The following COL24A1 variants were observed in gnomAD, a reference collection of about 807,000 sequenced individuals.
COL24A1 encodes collagen alpha-1(XXIV) chain.
A neutral mutation model predicts 253.9 loss-of-function variants in COL24A1; 224 were observed. The ratio of observed to expected loss-of-function variants is 0.88; its 90% confidence interval spans 0.79 to 0.99. COL24A1 has a LOEUF of 0.99. Ranked by LOEUF, COL24A1 falls within the 50% of genes least tolerant of loss-of-function variation. The probability of loss-of-function intolerance (pLI) is 0.00; values close to 1 mark genes in which losing one functional copy is unlikely to be tolerated. For missense variants in COL24A1, 2,131 were observed against 2,068.5 expected (o/e 1.03, Z -0.59); for synonymous variants, 685 against 673.7 (o/e 1.02, Z -0.26).
chr1:85,980,735 C>T (rs774900205), intron 20 of COL24A1, among the ~76,000 whole-genome samples: 9 of 152,018 alleles, frequency 5.9e-5, no homozygotes, highest in Non-Finnish European at 1.2e-4. Flanking sequence ...GGTGAAACCC[C>T]GTCTCTACTA....
chr1:85,993,023 A>G (rs1558929920), intron 19 of COL24A1, among the ~76,000 whole-genome samples: 1 of 152,166 alleles, frequency 6.6e-6, no homozygotes, highest in African/African-American at 2.4e-5. Flanking sequence ...TCCAGTAAAA[A>G]CAAAGTTTTA....
intron 5 of COL24A1, among the ~76,000 whole-genome samples, chr1:86,110,493 T>C (rs1705439370): frequency 6.6e-6 from 1 of 151,886 alleles, no homozygotes; most frequent in Non-Finnish European, 1.5e-5. Flanking sequence ...CCCTGCACTG[T>C]GGAAGGCCCT....
chr1:86,054,526 C>A (rs574835345), intron 10 of COL24A1, among the ~76,000 whole-genome samples: 2 of 152,062 alleles, frequency 1.3e-5, no homozygotes, highest in Admixed American at 6.6e-5. Context: ...ATATAAGCGG[C>A]CCCAAAACAT....
chr1:86,023,018 G>A lies in COL24A1; in HGVS notation c.2050-11C>T. ...AGGGCCAACACTGCCCTGGAAAACAGTAAGAAAGAAATGCATCATTAAGCA... is the reference window on the plus strand; with the variant it reads ...AGGGCCAACACTGCCCTGGAAAACAATAAGAAAGAAATGCATCATTAAGCA... On this transcript the variant is annotated splice_polypyrimidine_tract_variant and intron_variant, in intron 14 of 59. Coordinates refer to ENST00000370571, the MANE Select transcript of COL24A1 (RefSeq NM_152890.7). 6.2e-7 allele frequency: 1 copy of A among 1,611,024 alleles called. No homozygotes were observed. Among genetic ancestry groups the A allele is most frequent in the Non-Finnish European group, 8.5e-7 (1 of 1,178,202 alleles).
At chr1:86,054,008 T>C (rs1169740568) in intron 10 of COL24A1, among the ~76,000 whole-genome samples, 1 of 152,092 alleles carries the variant, frequency 6.6e-6, no homozygotes, top group Admixed American at 6.6e-5. Flanking sequence ...TACCCACTGA[T>C]CTTCGACAAA....
intron 20 of COL24A1, among the ~76,000 whole-genome samples, chr1:85,978,060 T>C (rs547971282): frequency 1.3e-5 from 2 of 152,172 alleles, no homozygotes; most frequent in East Asian, 1.9e-4. Flanking sequence ...CCAGAAGGGA[T>C]TGGGGTCCTA....
At chr1:85,848,466 C>T (rs554928753) in intron 38 of COL24A1, among the ~76,000 whole-genome samples, 7 of 152,120 alleles carry the variant, frequency 4.6e-5, no homozygotes, top group Admixed American at 1.3e-4. Context: ...CCCATCAACA[C>T]GTCCAGTTAA....
intron 45 of COL24A1, among the ~76,000 whole-genome samples, chr1:85,822,477 T>C (rs1046409985): frequency 1.3e-5 from 2 of 152,166 alleles, no homozygotes; most frequent in African/African-American, 4.8e-5. Flanking sequence ...AATGACAAAG[T>C]TGCTTGCTAT....
At chr1:85,847,803 A>T (rs1054930439) in intron 38 of COL24A1, 31 bp from the exon 39 acceptor site, 6 of 1,474,320 alleles carry the variant, frequency 4.1e-6, no homozygotes, top group Non-Finnish European at 5.7e-6. Flanking sequence ...AGAGAAAAGC[A>T]AGAAAAAAAT....
intron 24 of COL24A1, among the ~76,000 whole-genome samples, chr1:85,955,045 C>T (rs1259729894): frequency 1.8e-4 from 27 of 152,188 alleles, no homozygotes; most frequent in Admixed American, 1.8e-3. Context: ...ACCCTCAGGC[C>T]TGTGCCTAGG....
chr1:85,925,321 A>G (rs1687063064), intron 24 of COL24A1, among the ~76,000 whole-genome samples: 1 of 152,202 alleles, frequency 6.6e-6, no homozygotes, highest in African/African-American at 2.4e-5. Context: ...GGAAAAAACT[A>G]TTGTAAAGTT....
At chr1:86,004,081 G>C (rs1314287375) in intron 19 of COL24A1, among the ~76,000 whole-genome samples, 1 of 152,136 alleles carries the variant, frequency 6.6e-6, no homozygotes, top group East Asian at 1.9e-4. Context: ...GGATGTTCCA[G>C]CTTCTGCTGC....
At chr1:85,907,105 A>C (rs1684911173) in intron 28 of COL24A1, 89 bp downstream of exon 28, 12 of 996,264 alleles carry the variant, frequency 1.2e-5, no homozygotes, top group Non-Finnish European at 1.9e-5. Flanking sequence ...GAATTCTAGA[A>C]GGTATGATGC....
intron 13 of COL24A1, among the ~76,000 whole-genome samples, chr1:86,032,383 A>G (rs1698652901): frequency 6.6e-6 from 1 of 152,186 alleles, no homozygotes; most frequent in East Asian, 1.9e-4. Flanking sequence ...ATTAAAATAG[A>G]AATACCAATA....
At chr1:86,056,816 T>G (rs1335962069) in intron 10 of COL24A1, among the ~76,000 whole-genome samples, 2 of 150,838 alleles carry the variant, frequency 1.3e-5, no homozygotes, top group Admixed American at 6.6e-5. Flanking sequence ...ACTGTGCCAT[T>G]GCACTCCAGC....
Position 85,729,423 on chromosome 1 carries a change from CT to C in COL24A1, c.*1122del, listed in dbSNP as rs35958014. ...TGAGCCTATTTTAAATGGGAAAAGA[CT>C]TTTTTTTTTCTGGATGTTGCTTTAA... On this transcript the variant is annotated 3_prime_UTR_variant, in exon 60 of 60. Coordinates refer to ENST00000370571, the MANE Select transcript of COL24A1 (RefSeq NM_152890.7). 63,934 of 150,464 alleles carry C rather than the reference CT, an allele frequency of 0.42. 14,331 individuals are homozygous for C. The highest frequency in any genetic ancestry group is 0.54 in the Middle Eastern group (158 of 290). 9.3% of individuals were successfully genotyped at this position (150,464 alleles called of 1,614,324 possible). A position where few individuals can be genotyped will look rare whatever the true frequency, so the allele number is the denominator to read the frequency against.
intron 10 of COL24A1, among the ~76,000 whole-genome samples, chr1:86,052,597 G>A (rs1272741503): frequency 6.6e-6 from 1 of 152,014 alleles, no homozygotes; most frequent in Non-Finnish European, 1.5e-5. Context: ...ACGGGGAATT[G>A]TTTATTGGGT....
At chr1:85,984,047 C>G (rs1469565497) in intron 20 of COL24A1, among the ~76,000 whole-genome samples, 2 of 151,770 alleles carry the variant, frequency 1.3e-5, no homozygotes, top group Non-Finnish European at 3.0e-5. Context: ...AAATGTCTAG[C>G]TTTCAAGTCT....
At chr1:85,912,664 G>C (rs994078132) in intron 24 of COL24A1, among the ~76,000 whole-genome samples, 2 of 152,076 alleles carry the variant, frequency 1.3e-5, no homozygotes, top group Admixed American at 6.6e-5. Flanking sequence ...TTCACAACCA[G>C]CAGATATAGT....
Sources: gnomAD v4.1 joint callset for allele counts (sites outside exome capture counted in the v4.1 genomes callset) on GRCh38, gnomAD v4.1.1 for gene constraint, MANE v1.5 for transcripts, NCBI Gene and HGNC (gene_info 2026-07-23, HGNC 2026-07-21) for gene names.